Variants in TRHDE observed in about 807,000 individuals in gnomAD.
TRHDE encodes the protein thyrotropin releasing hormone degrading enzyme, also known as thyrotropin-releasing hormone-degrading ectoenzyme.
Under a neutral mutation model 125.7 loss-of-function variants are expected in TRHDE, and 72 were observed. The ratio of observed to expected loss-of-function variants is 0.57; its 90% confidence interval spans 0.47 to 0.70. The LOEUF is 0.70. Ranked by LOEUF, TRHDE falls within the 30% of genes least tolerant of loss-of-function variation. The pLI is 0.00. For synonymous variants in TRHDE, 509 were observed against 509.1 expected (o/e 1.00, Z 0.00); for missense variants, 1,110 against 1,327.1 (o/e 0.84, Z 2.54).
intron 1 of TRHDE, 137 bp from the exon 2 acceptor site, chr12:72,286,544 C>A (rs1879895312): frequency 2.7e-6 from 2 of 748,760 alleles, no homozygotes; most frequent in Non-Finnish European, 2.1e-6. Context: ...TCATGCTATT[C>A]ATGCACTTAA....
At chr12:72,477,797 G>A (rs375311422) in intron 5 of TRHDE, among the ~76,000 whole-genome samples, 28 of 152,104 alleles carry the variant, frequency 1.8e-4, no homozygotes, top group Non-Finnish European at 1.3e-4. Flanking sequence ...ATCTGGTGCC[G>A]ATGCAGGTCA....
At chr12:72,579,341 T>C (rs1270790989) in intron 12 of TRHDE, among the ~76,000 whole-genome samples, 1 of 152,108 alleles carries the variant, frequency 6.6e-6, no homozygotes, top group African/African-American at 2.4e-5. Flanking sequence ...ATAAAAGTTA[T>C]TCATTACTGG....
chr12:72,620,090 A>G (rs1005566329), intron 13 of TRHDE, among the ~76,000 whole-genome samples: 11 of 152,106 alleles, frequency 7.2e-5, no homozygotes, highest in Non-Finnish European at 1.2e-4. Context: ...TACTTGCTAG[A>G]GAAAGATTAC....
At chr12:72,458,261 A>T (rs1875956068) in intron 3 of TRHDE, among the ~76,000 whole-genome samples, 1 of 152,204 alleles carries the variant, frequency 6.6e-6, no homozygotes, top group African/African-American at 2.4e-5. Flanking sequence ...CTACTTGATT[A>T]TATATTGCCG....
chr12:72,093,600 G>T (rs1006972026), intron 1 of TRHDE, among the ~76,000 whole-genome samples: 3 of 151,920 alleles, frequency 2.0e-5, no homozygotes, highest in African/African-American at 7.2e-5. Flanking sequence ...GATCAATTCT[G>T]CTATTCAAGC....
At chr12:72,163,200 A>T (rs1876672502) in intron 2 of TRHDE, 1 of 152,210 alleles carries the variant, frequency 6.6e-6, no homozygotes, top group Non-Finnish European at 1.5e-5. Flanking sequence ...AAAGGGTTTC[A>T]TTTAGGAGGA....
chr12:72,235,035 A>G (rs1007136444), intron 2 of TRHDE, among the ~76,000 whole-genome samples: 3 of 152,214 alleles, frequency 2.0e-5, no homozygotes, highest in Non-Finnish European at 2.9e-5. Context: ...GTGCTTAGAC[A>G]GTAAAACAAA....
At chr12:72,329,013 G>T (rs1053227848) in intron 2 of TRHDE, among the ~76,000 whole-genome samples, 1 of 152,096 alleles carries the variant, frequency 6.6e-6, no homozygotes, top group Non-Finnish European at 1.5e-5. Context: ...AAATACAAAA[G>T]AGAGTCTCAA....
chr12:72,560,659 A>C (rs1870133847), intron 7 of TRHDE: 1 of 151,850 alleles, frequency 6.6e-6, no homozygotes, highest in African/African-American at 2.4e-5. Context: ...CTGTTGCTAC[A>C]AAAAATTAAA....
At chr12:72,133,852 C>T (rs1875921091) in intron 2 of TRHDE, among the ~76,000 whole-genome samples, 1 of 152,190 alleles carries the variant, frequency 6.6e-6, no homozygotes, top group East Asian at 1.9e-4. Flanking sequence ...CTCCTTTCAC[C>T]TCCTCCTCAG....
At chr12:72,258,682 G>C (rs1878873729) in intron 2 of TRHDE, among the ~76,000 whole-genome samples, 1 of 152,092 alleles carries the variant, frequency 6.6e-6, no homozygotes, top group African/African-American at 2.4e-5. Flanking sequence ...ATAGTAAAAA[G>C]GTCCAGTTCA....
intron 12 of TRHDE, among the ~76,000 whole-genome samples, chr12:72,579,933 G>T (rs1355162632): frequency 2.6e-5 from 4 of 151,664 alleles, no homozygotes; most frequent in South Asian, 4.2e-4. Flanking sequence ...TGCTCTCTTT[G>T]TTCTTTTTTG....
At chr12:72,120,477 A>G (rs1430522662) in intron 2 of TRHDE, among the ~76,000 whole-genome samples, 4 of 151,080 alleles carry the variant, frequency 2.6e-5, no homozygotes, top group Non-Finnish European at 5.9e-5. Flanking sequence ...GTATGTTTTA[A>G]TTTCTTGCTT....
chr12:72,321,232 C>T (rs1328945676), intron 2 of TRHDE, among the ~76,000 whole-genome samples: 1 of 152,124 alleles, frequency 6.6e-6, no homozygotes, highest in Non-Finnish European at 1.5e-5. Context: ...GTGATAGAAA[C>T]TGAGATAACA....
chr12:72,574,786 A>G (rs925266007), intron 10 of TRHDE, among the ~76,000 whole-genome samples: 2 of 152,126 alleles, frequency 1.3e-5, no homozygotes, highest in Non-Finnish European at 2.9e-5. Flanking sequence ...AGTTCTCTCA[A>G]GAAAGCACAA....
chr12:72,293,172 G>C (rs953403140), intron 2 of TRHDE, among the ~76,000 whole-genome samples: 1 of 151,884 alleles, frequency 6.6e-6, no homozygotes, highest in Admixed American at 6.6e-5. Context: ...TAATAGCATG[G>C]TGGTCTAATG....
At chr12:72,558,860 T>TTAATAGGACTCAGTTATCTATGTGGC (rs546712289) in intron 7 of TRHDE, among the ~76,000 whole-genome samples, 4 of 152,268 alleles carry the variant, frequency 2.6e-5, no homozygotes, top group African/African-American at 7.2e-5. Flanking sequence ...AGTTCAGTTT[T>TTAATAGGACTCAGTTATCTATGTGGC]TAATAGGACT....
intron 5 of TRHDE, among the ~76,000 whole-genome samples, chr12:72,484,992 C>G (rs1877335502): frequency 6.6e-6 from 1 of 152,158 alleles, no homozygotes; most frequent in African/African-American, 2.4e-5. Context: ...TCACCCCATT[C>G]CCTGAGTTGG....
intron 2 of TRHDE, among the ~76,000 whole-genome samples, chr12:72,160,386 A>G (rs1390500153): frequency 6.6e-6 from 1 of 152,136 alleles, no homozygotes; most frequent in Admixed American, 6.5e-5. Flanking sequence ...ATCAATCTAT[A>G]TTTTAAAAGG....
Sources: gnomAD v4.1 joint callset for allele counts (sites outside exome capture counted in the v4.1 genomes callset) on GRCh38, gnomAD v4.1.1 for gene constraint, MANE v1.5 for transcripts, NCBI Gene and HGNC (gene_info 2026-07-23, HGNC 2026-07-21) for gene names.